The following CDKL3 variants were observed in gnomAD, a reference collection of about 807,000 sequenced individuals.
The protein encoded by CDKL3 is cyclin-dependent kinase-like 3.
In CDKL3, 65 loss-of-function variants were observed where a neutral mutation model predicts 69.3. That is an observed-to-expected ratio of 0.94 (90% CI 0.77 to 1.15). The LOEUF (loss-of-function observed/expected upper bound fraction) is 1.15, where lower values mean the gene tolerates loss of function less well. Ranked by LOEUF, CDKL3 falls within the 50% of genes most tolerant of loss-of-function variation. CDKL3 has a pLI of 0.00. For synonymous variants in CDKL3, 202 were observed against 221.6 expected, an observed-to-expected ratio of 0.91 and a Z score of 0.79; for missense variants, 652 against 689.2, an observed-to-expected ratio of 0.95 and a Z score of 0.61.
intron 6 of CDKL3, 52 bp from the exon 7 acceptor site, chr5:134,312,432 G>A: frequency 3.3e-6 from 3 of 912,626 alleles, no homozygotes; most frequent in East Asian, 2.8e-5. Flanking sequence ...GGCTCCATAT[G>A]GTAAAAATTA....
At chr5:134,291,773 C>CAA (rs762167323) in intron 8 of CDKL3, among the ~76,000 whole-genome samples, 2 of 107,706 alleles carry the variant, frequency 1.9e-5, no homozygotes, top group African/African-American at 3.5e-5. Context: ...GACTCCATCT[C>CAA]AAAAAAAAAA....
intron 7 of CDKL3, among the ~76,000 whole-genome samples, chr5:134,310,098 T>C (rs1362378090): frequency 6.6e-6 from 1 of 152,230 alleles, no homozygotes; most frequent in Non-Finnish European, 1.5e-5. Flanking sequence ...TCCAAAGTGC[T>C]GGGATTACAG....
At chr5:134,357,936 G>A (rs924853422) in intron 3 of CDKL3, among the ~76,000 whole-genome samples, 1 of 152,104 alleles carries the variant, frequency 6.6e-6, no homozygotes, top group African/African-American at 2.4e-5. Flanking sequence ...TCAATGGGCT[G>A]GATGTGGTGG....
At chr5:134,356,634 A>C (rs370621655) in intron 3 of CDKL3, among the ~76,000 whole-genome samples, 2 of 152,096 alleles carry the variant, frequency 1.3e-5, no homozygotes, top group East Asian at 1.9e-4. Context: ...AAATACAAAA[A>C]TTAGGTGGGT....
chr5:134,339,209 A>G (rs761174804), intron 4 of CDKL3, among the ~76,000 whole-genome samples: 1 of 152,176 alleles, frequency 6.6e-6, no homozygotes, highest in African/African-American at 2.4e-5. Flanking sequence ...TTAAACGTTA[A>G]CAGATTAACC....
chr5:134,367,042 T>G lies in CDKL3; in HGVS notation c.-87A>C. 1.0e-6 allele frequency: 1 copy of G among 989,060 alleles called. No individual in the cohort carries two copies. The highest frequency in any genetic ancestry group is 1.2e-6 in the Non-Finnish European group (1 of 832,528). The allele number at this position is 989,060 out of a possible 1,614,324, so 61.3% of individuals were successfully genotyped here. On this transcript the variant is annotated 5_prime_UTR_variant, in exon 1 of 13. Coordinates refer to ENST00000265334, the MANE Select transcript of CDKL3 (RefSeq NM_001113575.2). The stretch of plus-strand genomic sequence containing the variant: ...CAGCCGCCGCCGCCTCAGCCCATTC[T>G]GTGGTCCCGCTGGTCTGGCTCTGCG...
intron 1 of CDKL3, 125 bp from the exon 2 acceptor site, chr5:134,366,669 AG>A (rs1757513252): frequency 4.3e-6 from 3 of 703,716 alleles, no homozygotes; most frequent in Non-Finnish European, 6.6e-6. Flanking sequence ...AAAAAAAAAA[AG>A]GAATCTTTTC....
chr5:134,315,548 G>C (rs1770807319), intron 6 of CDKL3, among the ~76,000 whole-genome samples: 1 of 151,918 alleles, frequency 6.6e-6, no homozygotes, highest in East Asian at 1.9e-4. Flanking sequence ...GCCAAGGCTG[G>C]GTCTGGAACA....
chr5:134,349,134 T>G (rs1294763983), intron 4 of CDKL3, among the ~76,000 whole-genome samples: 2 of 152,200 alleles, frequency 1.3e-5, no homozygotes, highest in African/African-American at 4.8e-5. Context: ...ATCATAGGGT[T>G]GTTGTAAGGA....
chr5:134,298,464 A>G lies in CDKL3; in HGVS notation c.*187T>C. The G allele has an allele frequency of 7.4e-7, 1 of 1,351,230 alleles. No homozygotes were observed. Among genetic ancestry groups the G allele is most frequent in the Non-Finnish European group, 9.5e-7 (1 of 1,056,720 alleles). The allele number at this position is 1,351,230 out of a possible 1,614,324, so 83.7% of individuals were successfully genotyped here. A position where few individuals can be genotyped will look rare whatever the true frequency, so the allele number is the denominator to read the frequency against. On this transcript the variant is annotated 3_prime_UTR_variant, in exon 13 of 13. Coordinates refer to ENST00000265334, the MANE Select transcript of CDKL3 (RefSeq NM_001113575.2). ...TGACTTTATAATTCCAAATCAAATTATCACATCAACAGAGTCTTAAAAGGG... is the reference window on the plus strand; with the variant it reads ...TGACTTTATAATTCCAAATCAAATTGTCACATCAACAGAGTCTTAAAAGGG...
chr5:134,343,021 G>A (rs4958229), intron 4 of CDKL3, among the ~76,000 whole-genome samples: 3,216 of 152,176 alleles, frequency 0.021, 42 homozygotes, highest in Non-Finnish European at 0.033. Flanking sequence ...CCGGGCCAAC[G>A]TGGTGAAATC....
intron 6 of CDKL3, among the ~76,000 whole-genome samples, chr5:134,315,834 A>T (rs1377131132): frequency 6.6e-6 from 1 of 152,220 alleles, no homozygotes; most frequent in African/African-American, 2.4e-5. Context: ...TAACAATAAT[A>T]ATATCCAATG....
At chr5:134,335,413 A>C (rs1038719635) in intron 4 of CDKL3, among the ~76,000 whole-genome samples, 2 of 152,146 alleles carry the variant, frequency 1.3e-5, no homozygotes, top group African/African-American at 4.8e-5. Context: ...GTTTCTTCAT[A>C]GCGTCGATGG....
At chr5:134,355,908 A>G (rs1754491573) in intron 3 of CDKL3, among the ~76,000 whole-genome samples, 1 of 152,192 alleles carries the variant, frequency 6.6e-6, no homozygotes, top group Non-Finnish European at 1.5e-5. Context: ...CATTAACTGT[A>G]TTACAGCAGT....
intron 5 of CDKL3, among the ~76,000 whole-genome samples, chr5:134,321,445 A>G (rs950209908): frequency 6.6e-6 from 1 of 152,192 alleles, no homozygotes; most frequent in African/African-American, 2.4e-5. Context: ...CATCTGACTC[A>G]ACTCTACTAT....
chr5:134,293,312 G>A (rs963619169), intron 8 of CDKL3, among the ~76,000 whole-genome samples: 4 of 151,920 alleles, frequency 2.6e-5, no homozygotes, highest in Non-Finnish European at 5.9e-5. Flanking sequence ...GAGCCACCAC[G>A]CCTGGCCTCT....
intron 4 of CDKL3, among the ~76,000 whole-genome samples, chr5:134,338,037 C>T (rs945168254): frequency 6.6e-6 from 1 of 152,014 alleles, no homozygotes; most frequent in African/African-American, 2.4e-5. Context: ...GCTGCCTCTA[C>T]CTAGGGAAAA....
chr5:134,363,215 C>A (rs1346124369), intron 2 of CDKL3, among the ~76,000 whole-genome samples: 1 of 152,180 alleles, frequency 6.6e-6, no homozygotes, highest in Non-Finnish European at 1.5e-5. Flanking sequence ...TTTAGGTCAT[C>A]AGGACATGAA....
intron 4 of CDKL3, among the ~76,000 whole-genome samples, chr5:134,335,263 T>C (rs1201670965): frequency 2.6e-5 from 4 of 152,104 alleles, no homozygotes; most frequent in East Asian, 1.9e-4. Context: ...TGATGGGTCT[T>C]GACTCTTTAA....
Sources: allele counts gnomAD v4.1 joint callset (sites outside exome capture counted in the v4.1 genomes callset), GRCh38; gene constraint gnomAD v4.1.1; transcripts MANE v1.5; gene names NCBI Gene and HGNC (gene_info 2026-07-23, HGNC 2026-07-21).